MTUS2: variants seen among roughly 807,000 people sequenced by gnomAD.
MTUS2 encodes microtubule associated scaffold protein 2, also known as microtubule-associated tumor suppressor candidate 2.
MTUS2 carries 40 observed loss-of-function variants against 114.1 expected under a neutral mutation model. The ratio of observed to expected loss-of-function variants is 0.35; its 90% CI spans 0.27 to 0.46. The LOEUF (loss-of-function observed/expected upper bound fraction) is 0.46, where lower values mean the gene tolerates loss of function less well. Among genes scored for constraint, MTUS2 ranks in the 20% least tolerant of loss-of-function variants. The pLI, the probability that MTUS2 is intolerant of heterozygous loss-of-function variation, is 1.00. For synonymous variants in MTUS2, 688 were observed against 672.0 expected (o/e 1.02, Z -0.37); for missense variants, 1,679 against 1,705.4 (o/e 0.98, Z 0.27).
intron 2 of MTUS2, among the ~76,000 whole-genome samples, chr13:28,905,955 A>G (rs1266044776): frequency 6.6e-6 from 1 of 151,598 alleles, no homozygotes; most frequent in African/African-American, 2.4e-5. Context: ...CTATTCAGAG[A>G]TGCAACTTCT....
intron 2 of MTUS2, among the ~76,000 whole-genome samples, chr13:28,952,035 G>T (rs899676329): frequency 1.3e-5 from 2 of 151,998 alleles, no homozygotes; most frequent in African/African-American, 4.8e-5. Context: ...AGTGGCAAAT[G>T]CCTGGATGAC....
intron 2 of MTUS2, among the ~76,000 whole-genome samples, chr13:28,935,753 A>G (rs1291642291): frequency 2.0e-5 from 3 of 151,908 alleles, no homozygotes. Flanking sequence ...TCCAAAGACC[A>G]GGCTCATTTT....
intron 6 of MTUS2, among the ~76,000 whole-genome samples, chr13:29,309,833 A>T (rs1899669192): frequency 6.6e-6 from 1 of 152,236 alleles, no homozygotes; most frequent in South Asian, 2.1e-4. Flanking sequence ...CCATGTTTTG[A>T]TACAGGCATA....
At chr13:28,891,084 A>G (rs73437228) in intron 2 of MTUS2, among the ~76,000 whole-genome samples, 3,516 of 152,304 alleles carry the variant, frequency 0.023, 133 homozygotes, top group African/African-American at 0.079. Flanking sequence ...CCTTGCTTGT[A>G]TAAGTCAGCC....
intron 10 of MTUS2, among the ~76,000 whole-genome samples, chr13:29,486,224 G>A (rs1018373368): frequency 2.6e-5 from 4 of 152,260 alleles, no homozygotes; most frequent in Admixed American, 1.3e-4. Flanking sequence ...CACCACGTCC[G>A]TTCTCACACT....
At chr13:29,039,004 G>C (rs1887215875) in intron 4 of MTUS2, among the ~76,000 whole-genome samples, 1 of 152,222 alleles carries the variant, frequency 6.6e-6, no homozygotes, top group African/African-American at 2.4e-5. Flanking sequence ...CTCAGGAGTG[G>C]TGGGCTGTTG....
intron 5 of MTUS2, among the ~76,000 whole-genome samples, chr13:29,112,537 G>A (rs967441952): frequency 2.0e-5 from 3 of 152,162 alleles, no homozygotes; most frequent in Non-Finnish European, 2.9e-5. Flanking sequence ...TACTACTGTT[G>A]AGAAGTTTGG....
intron 8 of MTUS2, among the ~76,000 whole-genome samples, chr13:29,438,143 TA>T (rs1877554623): frequency 6.6e-6 from 1 of 152,194 alleles, no homozygotes; most frequent in African/African-American, 2.4e-5. Context: ...TACATTAATT[TA>T]ATCCTCATGA....
intron 8 of MTUS2, among the ~76,000 whole-genome samples, chr13:29,390,259 T>C (rs71434724): frequency 0.18 from 27,698 of 151,514 alleles, 2,777 homozygotes; most frequent in Middle Eastern, 0.26. Flanking sequence ...AAATTATTTA[T>C]AGGATCAGGA....
intron 1 of MTUS2, among the ~76,000 whole-genome samples, chr13:28,824,468 T>G (rs894945715): frequency 2.0e-5 from 3 of 152,138 alleles, no homozygotes; most frequent in African/African-American, 7.2e-5. Context: ...GCCTGATTGC[T>G]GTAATGTTCT....
At chr13:29,150,840 T>C (rs2139038493) in intron 5 of MTUS2, among the ~76,000 whole-genome samples, 1 of 152,108 alleles carries the variant, frequency 6.6e-6, no homozygotes, top group African/African-American at 2.4e-5. Context: ...CAAAGATCAG[T>C]TGGTTGTATT....
At chr13:29,081,598 CCATT>C (rs1343650729) in intron 4 of MTUS2, among the ~76,000 whole-genome samples, 2 of 143,518 alleles carry the variant, frequency 1.4e-5, no homozygotes, top group Non-Finnish European at 3.1e-5. Flanking sequence ...GCAGTTTTTA[CCATT>C]CAAAGTAATG....
chr13:29,367,711 C>G (rs1169256332), intron 8 of MTUS2, among the ~76,000 whole-genome samples: 1 of 151,980 alleles, frequency 6.6e-6, no homozygotes, highest in African/African-American at 2.4e-5. Flanking sequence ...AAGGATGAAC[C>G]CACCCCACCC....
intron 5 of MTUS2, among the ~76,000 whole-genome samples, chr13:29,153,985 G>A (rs1057509428): frequency 1.3e-5 from 2 of 152,164 alleles, no homozygotes; most frequent in African/African-American, 4.8e-5. Context: ...AAAACAGTCA[G>A]GGGCATCCAA....
intron 2 of MTUS2, among the ~76,000 whole-genome samples, chr13:28,899,591 T>C (rs1464717029): frequency 1.3e-5 from 2 of 152,072 alleles, no homozygotes; most frequent in Non-Finnish European, 2.9e-5. Flanking sequence ...TTTGAATTTT[T>C]AGTAGAGACG....
At chr13:28,898,791 G>A (rs1879447489) in intron 2 of MTUS2, among the ~76,000 whole-genome samples, 1 of 152,210 alleles carries the variant, frequency 6.6e-6, no homozygotes, top group African/African-American at 2.4e-5. Flanking sequence ...ATAATATCAT[G>A]TAATGGGCTG....
chr13:29,082,958 T>A lies in MTUS2; in HGVS notation c.2447-17815T>A, dbSNP rs569114456. ...AAGGAAATGCATGTTGATTGCAGTT[T>A]GGACAGATTCTAGAGGCGGTTGTTG... On this transcript the variant is annotated intron_variant, in intron 4 of 15. Transcript: ENST00000612955. 3.3e-5 allele frequency among the ~76,000 whole-genome samples: 5 copies of A among 152,238 alleles called. No homozygotes were observed. The East Asian group carries it at 9.7e-4, about 29-fold the overall frequency.
At chr13:28,867,224 T>G (rs1877351501) in intron 2 of MTUS2, among the ~76,000 whole-genome samples, 1 of 152,242 alleles carries the variant, frequency 6.6e-6, no homozygotes, top group Admixed American at 6.5e-5. Context: ...AGCAAATACT[T>G]CTATCATTCT....
At chr13:29,264,592 G>T (rs952664493) in intron 5 of MTUS2, among the ~76,000 whole-genome samples, 1 of 152,246 alleles carries the variant, frequency 6.6e-6, no homozygotes, top group African/African-American at 2.4e-5. Flanking sequence ...CTGAAACCTA[G>T]GCAGAGGCTC....
Sources: gnomAD v4.1 joint callset for allele counts (sites outside exome capture counted in the v4.1 genomes callset) on GRCh38, gnomAD v4.1.1 for gene constraint, MANE v1.5 for transcripts, NCBI Gene and HGNC (gene_info 2026-07-23, HGNC 2026-07-21) for gene names.